Variants in EYS observed in about 807,000 individuals in gnomAD.
EYS encodes the protein EGF-like photoreceptor maintenance factor, also known as protein eyes shut homolog.
EYS carries 250 observed loss-of-function variants against 282.1 expected under a neutral mutation model. That is an observed-to-expected ratio of 0.89 (90% CI 0.80 to 0.98). The LOEUF is 0.98. Ranked by LOEUF, EYS falls within the 50% of genes least tolerant of loss-of-function variation. The probability of loss-of-function intolerance (pLI) is 0.00; values close to 1 mark genes in which losing one functional copy is unlikely to be tolerated. For missense variants in EYS, 4,016 were observed against 3,709.0 expected, an observed-to-expected ratio of 1.08 and a Z score of -2.15; for synonymous variants, 1,355 against 1,282.9, an observed-to-expected ratio of 1.06 and a Z score of -1.20.
intron 41 of EYS, among the ~76,000 whole-genome samples, chr6:63,737,792 A>G (rs1768958558): frequency 6.6e-6 from 1 of 152,208 alleles, no homozygotes; most frequent in Admixed American, 6.5e-5. Flanking sequence ...ATCAGAGTGA[A>G]GAGGCAACCT....
rs1345912169 is a variant in EYS, at chr6:63,864,172, T to C, written c.7228+14A>G. The C allele has an allele frequency of 6.9e-7, 1 of 1,450,628 alleles. No individual in the cohort carries two copies. Among genetic ancestry groups the C allele is most frequent in the Non-Finnish European group, 9.1e-7 (1 of 1,095,738 alleles). 89.9% of individuals were successfully genotyped at this position (1,450,628 alleles called of 1,614,324 possible). On this transcript the variant is annotated intron_variant, in intron 36 of 42. Transcript: ENST00000503581. ...TCTGTCTGTGCTCCATGTTTAATAATCAAATGCTCTTACCATCAGTGCAGA... is the reference window on the plus strand; with the variant it reads ...TCTGTCTGTGCTCCATGTTTAATAACCAAATGCTCTTACCATCAGTGCAGA...
chr6:65,288,276 G>A (rs938353944), intron 12 of EYS, among the ~76,000 whole-genome samples: 8 of 150,652 alleles, frequency 5.3e-5, no homozygotes, highest in Admixed American at 2.0e-4. Context: ...ATAAAGAACT[G>A]GAGTGAATAG....
At chr6:64,854,108 T>C (rs1215131072) in intron 19 of EYS, among the ~76,000 whole-genome samples, 2 of 151,992 alleles carry the variant, frequency 1.3e-5, no homozygotes, top group African/African-American at 2.4e-5. Context: ...CAACAGGTGC[T>C]GGAGAGGATG....
chr6:64,360,096 C>G (rs1771955881), intron 29 of EYS, among the ~76,000 whole-genome samples: 1 of 151,712 alleles, frequency 6.6e-6, no homozygotes. Context: ...AACTAAAACA[C>G]TAAATATGTG....
At chr6:64,255,389 T>A (rs1445354682) in intron 30 of EYS, among the ~76,000 whole-genome samples, 1 of 152,088 alleles carries the variant, frequency 6.6e-6, no homozygotes, top group Non-Finnish European at 1.5e-5. Flanking sequence ...TAGGTCTAGT[T>A]TTCTCTTTGT....
chr6:65,538,753 C>T (rs1182030384), intron 2 of EYS, among the ~76,000 whole-genome samples: 2 of 152,070 alleles, frequency 1.3e-5, no homozygotes, highest in Non-Finnish European at 2.9e-5. Flanking sequence ...TTCCATGACT[C>T]CTCCTAGTAT....
chr6:64,204,980 G>T (rs566660108), intron 31 of EYS, among the ~76,000 whole-genome samples: 60 of 152,232 alleles, frequency 3.9e-4, no homozygotes, highest in African/African-American at 1.4e-3. Flanking sequence ...GGGATGGGTA[G>T]ATATGTAATG....
chr6:65,282,933 A>G (rs565422117), intron 12 of EYS, among the ~76,000 whole-genome samples: 79 of 152,100 alleles, frequency 5.2e-4, no homozygotes, highest in Admixed American at 1.1e-3. Flanking sequence ...CATGTAATTT[A>G]GCATATTTTC....
chr6:64,557,243 C>G (rs1261187703), intron 26 of EYS, among the ~76,000 whole-genome samples: 1 of 138,614 alleles, frequency 7.2e-6, no homozygotes, highest in Admixed American at 7.2e-5. Flanking sequence ...CACACACACA[C>G]ACACACACAT....
intron 41 of EYS, among the ~76,000 whole-genome samples, chr6:63,739,957 C>T (rs1215067397): frequency 1.3e-5 from 2 of 151,596 alleles, no homozygotes; most frequent in African/African-American, 4.9e-5. Flanking sequence ...CTCAGCCTCC[C>T]AAAGTGCTGG....
rs185737938 is a variant in EYS, at chr6:65,088,502, A to G, written c.2024-30775T>C. 5.1e-4 allele frequency among the ~76,000 whole-genome samples: 78 copies of G among 152,288 alleles called. 1 individual carries two copies. Among genetic ancestry groups the G allele is most frequent in the Admixed American group, 2.7e-3 (41 of 15,288 alleles). ...CCTGATGGCATTTTGCCCCTGCCCT[A>G]GAGACATGTAGAAGTTTAAACTTGA... On this transcript the variant is annotated intron_variant, in intron 12 of 42. Coordinates refer to ENST00000503581, the MANE Select transcript of EYS (RefSeq NM_001142800.2).
intron 22 of EYS, among the ~76,000 whole-genome samples, chr6:64,634,782 T>C (rs773599159): frequency 1.4e-4 from 22 of 152,222 alleles, no homozygotes; most frequent in African/African-American, 2.4e-5. Flanking sequence ...TTGGTTAAGA[T>C]AATTTTTCTC....
At chr6:63,980,235 T>G (rs566897967) in intron 35 of EYS, among the ~76,000 whole-genome samples, 2 of 151,834 alleles carry the variant, frequency 1.3e-5, no homozygotes, top group African/African-American at 4.8e-5. Context: ...AGGCATGCAT[T>G]TTCAGGAGGT....
chr6:64,886,670 C>T (rs1767094582), intron 19 of EYS, 27 bp downstream of exon 19: 2 of 1,497,436 alleles, frequency 1.3e-6, no homozygotes, highest in Non-Finnish European at 1.8e-6. Flanking sequence ...AAATATGTTG[C>T]TGCACATGGG....
intron 5 of EYS, among the ~76,000 whole-genome samples, chr6:65,438,654 T>A (rs1768181782): frequency 6.6e-6 from 1 of 152,342 alleles, no homozygotes; most frequent in African/African-American, 2.4e-5. Context: ...CATAAATGTT[T>A]TCTTTTGAGA....
Position 65,090,763 on chromosome 6 carries a change from TCAAAGTAATAGA to T in EYS, c.2024-33048_2024-33037del, listed in dbSNP as rs1276466254. On this transcript the variant is annotated intron_variant, in intron 12 of 42. Transcript: ENST00000503581. Reference sequence around the variant, plus strand: ...AAGATCCATTTATTCTATTTACTTGTCAAAGTAATAGACAAAGTAATAGACAAAGTAATTGAC... The same window carrying T: ...AAGATCCATTTATTCTATTTACTTGTCAAAGTAATAGACAAAGTAATTGAC... Among the ~76,000 whole-genome samples the T allele has an allele frequency of 2.4e-3, 368 of 152,110 alleles. 2 individuals are homozygous for T. The highest frequency in any genetic ancestry group is 5.6e-3 in the African/African-American group (231 of 41,478).
chr6:64,509,130 C>A (rs888106830), intron 26 of EYS, among the ~76,000 whole-genome samples: 1 of 151,958 alleles, frequency 6.6e-6, no homozygotes, highest in Non-Finnish European at 1.5e-5. Context: ...ACAAAAATTA[C>A]AATTTTACAA....
At chr6:65,060,778 ATG>A (rs1359377925) in intron 12 of EYS, among the ~76,000 whole-genome samples, 1 of 118,180 alleles carries the variant, frequency 8.5e-6, no homozygotes, top group African/African-American at 4.1e-5. Flanking sequence ...GTGTATATAT[ATG>A]TGTATATATA....
chr6:64,922,432 A>T (rs1489532513), intron 15 of EYS, among the ~76,000 whole-genome samples: 2 of 152,244 alleles, frequency 1.3e-5, no homozygotes, highest in Non-Finnish European at 2.9e-5. Context: ...AATGAGTATG[A>T]AAAGAGCCAG....
Sources: allele counts gnomAD v4.1 joint callset (sites outside exome capture counted in the v4.1 genomes callset), GRCh38; gene constraint gnomAD v4.1.1; transcripts MANE v1.5; gene names NCBI Gene and HGNC (gene_info 2026-07-23, HGNC 2026-07-21).